CIAPIN1: variants seen among roughly 807,000 people sequenced by gnomAD.
The protein encoded by CIAPIN1 is anamorsin.
Under a neutral mutation model 34.3 loss-of-function variants are expected in CIAPIN1, and 18 were observed. The observed-to-expected ratio is 0.52, with a 90% confidence interval of 0.36 to 0.78. The LOEUF is 0.78. Among genes scored for constraint, CIAPIN1 ranks in the 30% least tolerant of loss-of-function variants. The pLI is 0.00. For synonymous variants in CIAPIN1, 131 were observed against 140.4 expected, an observed-to-expected ratio of 0.93 and a Z score of 0.47; for missense variants, 310 against 372.5, an observed-to-expected ratio of 0.83 and a Z score of 1.38.
chr16:57,432,727 G>A (rs1267976912), intron 5 of CIAPIN1, among the ~76,000 whole-genome samples, 167 bp from the exon 6 acceptor site: 1 of 152,234 alleles, frequency 6.6e-6, no homozygotes, highest in Non-Finnish European at 1.5e-5. Flanking sequence ...CTGACCTTGG[G>A]CCAACCACTT....
chr16:57,440,587 G>C (rs553630701), intron 2 of CIAPIN1, among the ~76,000 whole-genome samples, 185 bp downstream of exon 2: 1 of 152,244 alleles, frequency 6.6e-6, no homozygotes, highest in South Asian at 2.1e-4. Context: ...AAATAGAAAA[G>C]AACCTACGTT....
At chr16:57,436,568 A>T in intron 4 of CIAPIN1, 88 bp downstream of exon 4, 1 of 1,015,270 alleles carries the variant, frequency 9.8e-7, no homozygotes, top group Non-Finnish European at 1.5e-6. Context: ...CATGTATCTT[A>T]CATGCACAGC....
chr16:57,436,700 G>C lies in CIAPIN1; in HGVS notation c.343C>G (p.Leu115Val). The change falls in exon 4 of 9, where the codon CTG (leucine) becomes GTG (valine). Residue 115 changes from leucine to valine, a missense_variant. Transcript: ENST00000394391. ...NNSKVKTASKLCSALTLSGLV... is the reference protein window; with the variant it reads ...NNSKVKTASKVCSALTLSGLV... ...CCAGAAAGAGTCAGGGCTGAACACA[G>C]CTTAGATGCTGTCTTCACTTTGCTA... 6.2e-7 allele frequency: 1 copy of C among 1,613,932 alleles called. No individual in the cohort carries two copies. The highest frequency in any genetic ancestry group is 2.2e-5 in the East Asian group (1 of 44,884).
intron 4 of CIAPIN1, among the ~76,000 whole-genome samples, chr16:57,435,302 T>G (rs559034851): frequency 1.3e-5 from 2 of 152,220 alleles, no homozygotes; most frequent in Admixed American, 1.3e-4. Context: ...GCCAAGCAGT[T>G]GCAGGCCCGT....
At chr16:57,432,231 T>C (rs2146557400) in intron 6 of CIAPIN1, among the ~76,000 whole-genome samples, 1 of 152,230 alleles carries the variant, frequency 6.6e-6, no homozygotes, top group East Asian at 1.9e-4. Flanking sequence ...TGAGAATCGC[T>C]TGAACCCGGG....
At chr16:57,431,758 C>A (rs1903093029) in intron 6 of CIAPIN1, among the ~76,000 whole-genome samples, 1 of 152,126 alleles carries the variant, frequency 6.6e-6, no homozygotes, top group South Asian at 2.1e-4. Flanking sequence ...AGAGCATGAA[C>A]CTCACTTATT....
In CIAPIN1 at chr16:57,428,974, A is replaced by G. The variant is rs1483160975; in HGVS notation, c.*196T>C. Reference sequence around the variant, plus strand: ...CCATTCTGAAACCAGGTCCCATAATACCTTGGTCTTTTGATACACAGCAGC... The same window carrying G: ...CCATTCTGAAACCAGGTCCCATAATGCCTTGGTCTTTTGATACACAGCAGC... On this transcript the variant is annotated 3_prime_UTR_variant, in exon 9 of 9. Transcript: ENST00000394391. 5.6e-6 allele frequency: 3 copies of G among 540,122 alleles called. No homozygotes were observed. The highest frequency in any genetic ancestry group is 9.9e-6 in the Non-Finnish European group (3 of 302,064). The allele number at this position is 540,122 out of a possible 1,614,324, so 33.5% of individuals were successfully genotyped here.
chr16:57,440,673 CA>C (rs1657465833), intron 2 of CIAPIN1, 98 bp downstream of exon 2: 1 of 1,354,344 alleles, frequency 7.4e-7, no homozygotes, highest in Admixed American at 2.3e-5. Context: ...TATCACATGC[CA>C]CCCTAAATGA....
intron 3 of CIAPIN1, among the ~76,000 whole-genome samples, chr16:57,438,952 C>A (rs1366976633): frequency 6.6e-6 from 1 of 152,148 alleles, no homozygotes; most frequent in African/African-American, 2.4e-5. Flanking sequence ...GCAAAAGGAC[C>A]CATTTTTAGA....
intron 3 of CIAPIN1, among the ~76,000 whole-genome samples, chr16:57,438,330 T>G (rs1903248993): frequency 6.6e-6 from 1 of 152,232 alleles, no homozygotes; most frequent in Non-Finnish European, 1.5e-5. Context: ...TAGTTTCACA[T>G]GAATCAATAA....
rs1434559902 is a variant in CIAPIN1, at chr16:57,440,773, T to C, written c.156A>G (p.Gln52=). Residue 52 remains glutamine (Q), a splice_region_variant and synonymous_variant, in exon 2 of 9, where the codon CAA becomes CAG. Coordinates refer to ENST00000394391, the MANE Select transcript of CIAPIN1 (RefSeq NM_020313.4). ...AAGACAACGTGGGTGGGTACTTACA[T>C]TGCAACAGCTGCTTGATGTTTTCCA... The part of the protein sequence containing the change: ...VSVENIKQLL[Q]SAHKESSFDI... 6.8e-6 allele frequency: 11 copies of C among 1,611,368 alleles called. No individual in the cohort carries two copies. Among genetic ancestry groups the C allele is most frequent in the South Asian group, 1.1e-5 (1 of 90,780 alleles).
chr16:57,436,116 C>T (rs1441254163), intron 4 of CIAPIN1, among the ~76,000 whole-genome samples: 1 of 152,218 alleles, frequency 6.6e-6, no homozygotes, highest in Non-Finnish European at 1.5e-5. Context: ...TGCTCATGCC[C>T]CTCAGCTGTC....
intron 1 of CIAPIN1, among the ~76,000 whole-genome samples, chr16:57,444,606 G>A (rs1483878721): frequency 3.3e-5 from 5 of 152,182 alleles, no homozygotes; most frequent in South Asian, 2.1e-4. Context: ...AATGCTTTGC[G>A]TTCCGTATCT....
At chr16:57,441,999 CCA>C (rs1366118938) in intron 1 of CIAPIN1, among the ~76,000 whole-genome samples, 1 of 152,216 alleles carries the variant, frequency 6.6e-6, no homozygotes, top group Non-Finnish European at 1.5e-5. Flanking sequence ...AATCATGCCA[CCA>C]CAGATACAGA....
intron 1 of CIAPIN1, among the ~76,000 whole-genome samples, chr16:57,443,985 T>C (rs1409598899): frequency 3.9e-5 from 6 of 152,026 alleles, no homozygotes; most frequent in East Asian, 1.9e-4. Flanking sequence ...CTTGGGACAA[T>C]AGAAAGGGAT....
At chr16:57,433,002 T>C (rs1903123007) in intron 5 of CIAPIN1, among the ~76,000 whole-genome samples, 7 of 152,236 alleles carry the variant, frequency 4.6e-5, no homozygotes, top group Admixed American at 4.6e-4. Flanking sequence ...TGAAGTTAAA[T>C]TGTACTTCCT....
chr16:57,445,117 T>C (rs1270186517), intron 1 of CIAPIN1, among the ~76,000 whole-genome samples: 3 of 152,212 alleles, frequency 2.0e-5, no homozygotes. Flanking sequence ...AAAATAACAC[T>C]GAAGTTTGGG....
rs750544408 is a variant in CIAPIN1 at position 57,429,048 on chromosome 16, A to G, written c.*122T>C. ...GCCAGCTTCACTCTGTCTGCTAAGC[A>G]CCCACTCTGCAAACAGATCTCAGAG... On this transcript the variant is annotated 3_prime_UTR_variant, in exon 9 of 9. Coordinates refer to ENST00000394391, the MANE Select transcript of CIAPIN1 (RefSeq NM_020313.4). 1.4e-4 allele frequency: 97 copies of G among 693,754 alleles called. No homozygotes were observed. The highest frequency in any genetic ancestry group is 1.6e-4 in the Non-Finnish European group (61 of 387,156). The allele number at this position is 693,754 out of a possible 1,614,324, so 43.0% of individuals were successfully genotyped here.
intron 4 of CIAPIN1, among the ~76,000 whole-genome samples, chr16:57,436,163 G>A (rs1237252772): frequency 6.6e-6 from 1 of 152,190 alleles, no homozygotes; most frequent in Non-Finnish European, 1.5e-5. Context: ...ACAAGAACAA[G>A]CCCCAGCCCA....
Sources: allele counts gnomAD v4.1 joint callset (sites outside exome capture counted in the v4.1 genomes callset), GRCh38; gene constraint gnomAD v4.1.1; transcripts MANE v1.5; gene names NCBI Gene and HGNC (gene_info 2026-07-23, HGNC 2026-07-21).